MYL12A: variants seen among roughly 807,000 people sequenced by gnomAD.
The protein encoded by MYL12A is myosin light chain 12A.
Under a neutral mutation model 13.3 loss-of-function variants are expected in MYL12A, and 11 were observed. That is an observed-to-expected ratio of 0.83 (90% confidence interval 0.52 to 1.37). The LOEUF (loss-of-function observed/expected upper bound fraction) is 1.37. Among genes scored for constraint, MYL12A ranks in the 40% most tolerant of loss-of-function variants. The probability of loss-of-function intolerance (pLI) is 0.00; values close to 1 mark genes in which losing one functional copy is unlikely to be tolerated. For synonymous variants in MYL12A, 51 were observed against 69.9 expected (o/e 0.73, Z 1.35); for missense variants, 146 against 212.3 (o/e 0.69, Z 1.94).
chr18:3,252,492 C>T (rs1422346196), intron 1 of MYL12A: 1 of 1,255,990 alleles, frequency 8.0e-7, no homozygotes, highest in Non-Finnish European at 1.0e-6. Context: ...GGTAAGAGAG[C>T]AAAGGTAGTT....
In MYL12A at chr18:3,253,269, A is replaced by G. The variant is rs1407821871; in HGVS notation, c.22A>G (p.Thr8Ala). 3.1e-6 allele frequency: 5 copies of G among 1,613,864 alleles called. No homozygotes were observed. In the Admixed American group the frequency reaches 6.7e-5, roughly 22 times the overall value. Residue 8 changes from threonine to alanine, a missense_variant, in exon 2 of 4, where the codon ACC (threonine) becomes GCC (alanine). Physicochemically the swap from Thr to Ala is moderately conservative, Grantham distance 58 (BLOSUM62 0). Coordinates refer to ENST00000217652, the MANE Select transcript of MYL12A (RefSeq NM_006471.4). The part of the protein sequence containing the change: MSSKRTK[T>A]KTKKRPQRAT... ...CACCATGTCGAGCAAAAGAACAAAG[A>G]CCAAGACCAAGAAGCGCCCTCAGCG... is the stretch of plus-strand genomic sequence containing the variant.
At position 3,255,943 on chromosome 18, in the gene MYL12A, G is replaced by A. The variant is rs189386189; in HGVS notation, c.*25G>A. 4.2e-5 allele frequency: 68 copies of A among 1,609,412 alleles called. 1 individual carries two copies. In the Admixed American group the frequency reaches 7.7e-4, roughly 18 times the overall value. ...AAATAACTTCAAATTCCAGCCAAAC[G>A]TTCCTTGTTGCCACTTTGGGTATTC... On this transcript the variant is annotated 3_prime_UTR_variant, in exon 4 of 4. Coordinates refer to ENST00000217652, the MANE Select transcript of MYL12A (RefSeq NM_006471.4).
chr18:3,249,296 A>G (rs929184978), intron 1 of MYL12A: 13 of 152,010 alleles, frequency 8.6e-5, no homozygotes, highest in African/African-American at 2.9e-4. Flanking sequence ...AATCTCTTCT[A>G]TTTCTCCCAC....
intron 1 of MYL12A, chr18:3,252,604 CTG>C (rs1003781586): frequency 1.8e-5 from 10 of 564,732 alleles, no homozygotes; most frequent in Non-Finnish European, 2.6e-5. Flanking sequence ...TTTAGTGTGA[CTG>C]TAATGCAAGA....
At position 3,253,947 on chromosome 18, in the gene MYL12A, C is replaced by T. The variant is rs536990440; in HGVS notation, c.240C>T (p.Ile80=). 1 of 1,613,956 alleles carries T rather than the reference C, an allele frequency of 6.2e-7. No individual in the cohort carries two copies. Among genetic ancestry groups the T allele is most frequent in the Admixed American group, 1.7e-5 (1 of 60,012 alleles). Residue 80 remains isoleucine, a synonymous_variant, in exon 3 of 4, where the codon ATC becomes ATT. Coordinates refer to ENST00000217652, the MANE Select transcript of MYL12A (RefSeq NM_006471.4). ...TGATGAATGAGGCTCCAGGCCCCAT[C>T]AATTTCACCATGTTCCTCACCATGT... The part of the protein sequence containing the change: ...DAMMNEAPGP[I]NFTMFLTMFG...
At chr18:3,248,565 A>G (rs1055347146) in intron 1 of MYL12A, 1 of 152,230 alleles carries the variant, frequency 6.6e-6, no homozygotes, top group East Asian at 1.9e-4. Context: ...TGAGAGACCT[A>G]TGGATTTAGC....
chr18:3,252,561 T>A, intron 1 of MYL12A: 1 of 1,006,270 alleles, frequency 9.9e-7, no homozygotes, highest in Non-Finnish European at 1.3e-6. Flanking sequence ...TGTGCTCTGA[T>A]TTCTGTTTAG....
At position 3,255,983 on chromosome 18, in the gene MYL12A, G is replaced by A; in HGVS notation, c.*65G>A. On this transcript the variant is annotated 3_prime_UTR_variant, in exon 4 of 4. Transcript: ENST00000217652. The stretch of plus-strand genomic sequence containing the variant: ...TTTGGGTATTCTGAGATTTTCTCTT[G>A]CATGCCCTTAGCTTTACAGCTTTTG... 3 of 1,571,364 alleles carry A rather than the reference G, an allele frequency of 1.9e-6. No individual in the cohort carries two copies. Among genetic ancestry groups the A allele is most frequent in the Non-Finnish European group, 2.6e-6 (3 of 1,154,096 alleles).
At chr18:3,252,210 G>T in intron 1 of MYL12A, 1 of 807,400 alleles carries the variant, frequency 1.2e-6, no homozygotes, top group South Asian at 1.9e-5. Flanking sequence ...TGGTCAGAGT[G>T]AAATCAGTAG....
intron 1 of MYL12A, among the ~76,000 whole-genome samples, 183 bp from the exon 2 acceptor site, chr18:3,253,050 T>A (rs716351): frequency 6.6e-6 from 1 of 152,036 alleles, no homozygotes; most frequent in African/African-American, 2.4e-5. Flanking sequence ...CTGTTGTTAG[T>A]TATATAGCAG....
At position 3,253,446 on chromosome 18, in the gene MYL12A, T is replaced by C; in HGVS notation, c.181+18T>C. The C allele has an allele frequency of 6.2e-7, 1 of 1,609,020 alleles. No homozygotes were observed. The highest frequency in any genetic ancestry group is 8.5e-7 in the Non-Finnish European group (1 of 1,176,554). Reference sequence around the variant, plus strand: ...TTCATTGGGTAATGCTCAGTTTAAATATTAATCTATTGGATAGAATTTCCA... The same window carrying C: ...TTCATTGGGTAATGCTCAGTTTAAACATTAATCTATTGGATAGAATTTCCA... On this transcript the variant is annotated intron_variant, in intron 2 of 3. Coordinates refer to ENST00000217652, the MANE Select transcript of MYL12A (RefSeq NM_006471.4).
chr18:3,255,531 C>G (rs377647954), intron 3 of MYL12A: 5 of 465,030 alleles, frequency 1.1e-5, no homozygotes, highest in African/African-American at 8.1e-5. Context: ...AATGATAGAG[C>G]AAATGATAGA....
intron 1 of MYL12A, 133 bp from the exon 2 acceptor site, chr18:3,253,100 A>C: frequency 1.1e-6 from 1 of 936,072 alleles, no homozygotes; most frequent in South Asian, 1.9e-5. Context: ...TGTCTTCTAA[A>C]GACACATTTC....
rs1188173709 is a variant in MYL12A, at chr18:3,256,127, C to T, written c.*209C>T. 3.2e-6 allele frequency: 2 copies of T among 623,336 alleles called. No individual in the cohort carries two copies. Among genetic ancestry groups the T allele is most frequent in the African/African-American group, 3.7e-5 (2 of 53,894 alleles). 38.6% of individuals were successfully genotyped at this position (623,336 alleles called of 1,614,324 possible). On this transcript the variant is annotated 3_prime_UTR_variant, in exon 4 of 4. Transcript: ENST00000217652. ...ATAAAAAATAGGATAATTTAACCTA[C>T]CAGCCCTTCTCCCCCAATAACTGTG...
rs2081443805 is a variant in MYL12A at position 3,247,824 on chromosome 18, T to G, written c.-101T>G. The G allele has an allele frequency of 6.6e-6, 1 of 151,988 alleles. No individual in the cohort carries two copies. Among genetic ancestry groups the G allele is most frequent in the Admixed American group, 6.5e-5 (1 of 15,272 alleles). The allele number at this position is 151,988 out of a possible 1,614,324, so 9.4% of individuals were successfully genotyped here. ...CTAAGCAGAGGCCGGAAGCGGTGGT[T>G]TTTAGCGGCTCTCTGGGTAGCAGGG... On this transcript the variant is annotated 5_prime_UTR_variant, in exon 1 of 4. Coordinates refer to ENST00000217652, the MANE Select transcript of MYL12A (RefSeq NM_006471.4).
chr18:3,248,837 A>G (rs2081455520), intron 1 of MYL12A, among the ~76,000 whole-genome samples: 1 of 152,212 alleles, frequency 6.6e-6, no homozygotes, highest in African/African-American at 2.4e-5. Context: ...ATAAGAAATG[A>G]AACTTGGTTT....
intron 2 of MYL12A, 33 bp downstream of exon 2, chr18:3,253,461 T>C (rs755800283): frequency 1.9e-6 from 3 of 1,599,910 alleles, no homozygotes; most frequent in Admixed American, 3.4e-5. Context: ...ATCTATTGGA[T>C]AGAATTTCCA....
chr18:3,253,395 A>C lies in MYL12A; in HGVS notation c.148A>C (p.Lys50Gln). Reference protein sequence around the residue: ...IDQNRDGFIDKEDLHDMLASL... With the variant: ...IDQNRDGFIDQEDLHDMLASL... ...TCAGAACAGAGATGGTTTCATCGAC[A>C]AGGAAGATTTGCATGATATGCTTGC... is the stretch of plus-strand genomic sequence containing the variant. Residue 50 changes from lysine (K) to glutamine (Q), a missense_variant, in exon 2 of 4, where the codon AAG becomes CAG. Coordinates refer to ENST00000217652, the MANE Select transcript of MYL12A (RefSeq NM_006471.4). The C allele has an allele frequency of 6.2e-7, 1 of 1,613,754 alleles. No individual in the cohort carries two copies. The highest frequency in any genetic ancestry group is 8.5e-7 in the Non-Finnish European group (1 of 1,179,726).
chr18:3,248,685 G>T (rs977012773), intron 1 of MYL12A: 1 of 152,196 alleles, frequency 6.6e-6, no homozygotes, highest in African/African-American at 2.4e-5. Flanking sequence ...CTAATAAACG[G>T]TAATCAGAAA....
Sources: gnomAD v4.1 joint callset for allele counts (sites outside exome capture counted in the v4.1 genomes callset) on GRCh38, gnomAD v4.1.1 for gene constraint, MANE v1.5 for transcripts, NCBI Gene and HGNC (gene_info 2026-07-23, HGNC 2026-07-21) for gene names.